HELLS: variants seen among roughly 807,000 people sequenced by gnomAD.
HELLS encodes lymphoid-specific helicase.
Under a neutral mutation model 120.0 loss-of-function variants are expected in HELLS, and 32 were observed. The ratio of observed to expected loss-of-function variants is 0.27; its 90% CI spans 0.20 to 0.36. HELLS has a LOEUF of 0.36. Among genes scored for constraint, HELLS ranks in the 10% least tolerant of loss-of-function variants. HELLS has a pLI of 1.00. For synonymous variants in HELLS, 341 were observed against 323.4 expected (o/e 1.05, Z -0.58); for missense variants, 650 against 993.4 (o/e 0.65, Z 4.65).
intron 21 of HELLS, among the ~76,000 whole-genome samples, chr10:94,599,228 TATGTGAGGC>T (rs1191092187): frequency 6.6e-6 from 1 of 152,226 alleles, no homozygotes; most frequent in Non-Finnish European, 1.5e-5. Context: ...AAAACAACAT[TATGTGAGGC>T]ATGTAAGGAC....
intron 3 of HELLS, among the ~76,000 whole-genome samples, chr10:94,556,399 G>C (rs951835052): frequency 3.9e-5 from 6 of 152,116 alleles, no homozygotes; most frequent in Non-Finnish European, 2.9e-5. Context: ...ATGTTTTTCT[G>C]TAGGTTATTT....
At chr10:94,578,183 G>C (rs1037113541) in intron 10 of HELLS, among the ~76,000 whole-genome samples, 4 of 151,724 alleles carry the variant, frequency 2.6e-5, no homozygotes, top group Admixed American at 2.6e-4. Flanking sequence ...GCAGTGAGCT[G>C]TGATTGCGCC....
intron 6 of HELLS, among the ~76,000 whole-genome samples, chr10:94,567,265 A>G (rs1190847194): frequency 6.6e-6 from 1 of 152,074 alleles, no homozygotes; most frequent in Non-Finnish European, 1.5e-5. Flanking sequence ...TTTTTGATCC[A>G]GTCTTTCTAG....
At chr10:94,594,060 C>T (rs536563339) in intron 18 of HELLS, among the ~76,000 whole-genome samples, 130 of 151,654 alleles carry the variant, frequency 8.6e-4, no homozygotes, top group African/African-American at 2.6e-3. Context: ...TGAGCCACCG[C>T]GCCCGGCCAT....
At chr10:94,557,120 A>G (rs1174654946) in intron 3 of HELLS, 3 of 353,636 alleles carry the variant, frequency 8.5e-6, no homozygotes, top group South Asian at 2.1e-5. Context: ...TGTTCTTCCC[A>G]TTGCACTTTT....
At chr10:94,561,453 G>A (rs1843550104) in intron 4 of HELLS, among the ~76,000 whole-genome samples, 1 of 151,712 alleles carries the variant, frequency 6.6e-6, no homozygotes, top group South Asian at 2.1e-4. Flanking sequence ...TTTCATAAGG[G>A]CGTCAACTAT....
At chr10:94,594,586 C>T in intron 18 of HELLS, 109 bp from the exon 19 acceptor site, 8 of 685,168 alleles carry the variant, frequency 1.2e-5, no homozygotes, top group South Asian at 3.0e-5. Context: ...ATTAAGACAC[C>T]ACTATTTAAA....
chr10:94,545,981 G>GT, intron 1 of HELLS, 29 bp downstream of exon 1: 1 of 1,553,650 alleles, frequency 6.4e-7, no homozygotes. Flanking sequence ...TTGGGCGCGG[G>GT]TGGCAGCCTG....
intron 4 of HELLS, among the ~76,000 whole-genome samples, chr10:94,558,540 G>A (rs1843375250): frequency 6.6e-6 from 1 of 152,128 alleles, no homozygotes; most frequent in Non-Finnish European, 1.5e-5. Flanking sequence ...CTAGTGAAAA[G>A]AGAAATAATT....
chr10:94,590,743 A>C lies in HELLS; in HGVS notation c.1734A>C (p.Glu578Asp). The C allele has an allele frequency of 1.3e-6, 2 of 1,581,968 alleles. No homozygotes were observed. The highest frequency in any genetic ancestry group is 1.7e-6 in the Non-Finnish European group (2 of 1,152,492). Residue 578 changes from glutamate to aspartate, a missense_variant, in exon 15 of 22, where the codon GAA becomes GAC. Physicochemically the swap from Glu to Asp is conservative, Grantham distance 45 (BLOSUM62 2). This residue lies in a region of HELLS where 191 missense variants were observed against 259.7 expected (regional missense o/e 0.74). Transcript: ENST00000348459. Reference sequence around the variant, plus strand: ...GTTGTAATCATCCATATTTGATTGAATATCCTATAGACCCTGTTACACAAG... The same window carrying C: ...GTTGTAATCATCCATATTTGATTGACTATCCTATAGACCCTGTTACACAAG... ...RKCCNHPYLI[E>D]YPIDPVTQEF... is the part of the protein sequence containing the mutation.
rs1270422391 is a variant in HELLS at position 94,584,025 on chromosome 10, A to G, written c.1326+966A>G. The G allele has an allele frequency of 8.4e-6, 7 of 837,440 alleles. No homozygotes were observed. The East Asian group carries it at 1.7e-4, about 20-fold the overall frequency. The allele number at this position is 837,440 out of a possible 1,614,324, so 51.9% of individuals were successfully genotyped here. Reference sequence around the variant, plus strand: ...AGAATGTATGTGTCAGAGTTTACAGATGAGGGCTTCTTTGAAGGCAAATTG... The same window carrying G: ...AGAATGTATGTGTCAGAGTTTACAGGTGAGGGCTTCTTTGAAGGCAAATTG... On this transcript the variant is annotated intron_variant, in intron 12 of 21. Transcript: ENST00000348459.
chr10:94,592,484 G>C lies in HELLS; in HGVS notation c.1941G>C (p.Gly647=). The change falls in exon 17 of 22, where the codon GGG becomes GGC. Residue 647 remains glycine, a synonymous_variant. Transcript: ENST00000348459. The stretch of plus-strand genomic sequence containing the variant: ...ATTTCAACTTCAGCAGGCTTGATGG[G>C]TCCATGTCTTACTCAGAGAGAGAAA... ...LRDFNFSRLD[G]SMSYSEREKN... 6.5e-7 allele frequency: 1 copy of C among 1,527,766 alleles called. No homozygotes were observed. Among genetic ancestry groups the C allele is most frequent in the Non-Finnish European group, 8.8e-7 (1 of 1,141,704 alleles). 94.6% of individuals were successfully genotyped at this position (1,527,766 alleles called of 1,614,324 possible). A position where few individuals can be genotyped will look rare whatever the true frequency, so the allele number is the denominator to read the frequency against.
At chr10:94,586,408 A>C (rs1845152428) in intron 12 of HELLS, among the ~76,000 whole-genome samples, 1 of 152,210 alleles carries the variant, frequency 6.6e-6, no homozygotes, top group Admixed American at 6.5e-5. Context: ...GGCGTGAGCC[A>C]CCGCGCCCGG....
At chr10:94,574,510 T>A in intron 8 of HELLS, 44 bp from the exon 9 acceptor site, 1 of 1,380,182 alleles carries the variant, frequency 7.2e-7, no homozygotes, top group Non-Finnish European at 1.0e-6. Context: ...ATCCTGTAGT[T>A]GTTTATATCC....
In HELLS at chr10:94,545,857, G is replaced by T; in HGVS notation, c.-65G>T. 3 of 1,516,718 alleles carry T rather than the reference G, an allele frequency of 2.0e-6. No homozygotes were observed. Among genetic ancestry groups the T allele is most frequent in the Non-Finnish European group, 2.7e-6 (3 of 1,115,014 alleles). The allele number at this position is 1,516,718 out of a possible 1,614,324, so 94.0% of individuals were successfully genotyped here. ...AGGCTGGGCCGGCAGCGGTTGTGAG[G>T]AGTTAGCTCGCGGCATTGCAGGCTC... On this transcript the variant is annotated 5_prime_UTR_variant, in exon 1 of 22. Transcript: ENST00000348459.
At chr10:94,576,937 T>C in intron 10 of HELLS, 132 bp downstream of exon 10, 1 of 735,064 alleles carries the variant, frequency 1.4e-6, no homozygotes, top group Non-Finnish European at 2.2e-6. Flanking sequence ...ATATTGTGCA[T>C]ATACCTGTAG....
intron 12 of HELLS, among the ~76,000 whole-genome samples, chr10:94,585,364 T>G (rs1319685946): frequency 6.7e-5 from 3 of 44,996 alleles, no homozygotes; most frequent in Admixed American, 1.8e-4. Context: ...TTTGTTTTGT[T>G]TTTTTTTTTT....
intron 6 of HELLS, chr10:94,570,149 C>T (rs1844069638): frequency 6.6e-6 from 1 of 151,544 alleles, no homozygotes; most frequent in South Asian, 2.1e-4. Flanking sequence ...TCAAGCAATC[C>T]TCCCACCTCA....
chr10:94,593,469 C>T (rs1564615516), intron 17 of HELLS, 30 bp from the exon 18 acceptor site: 1 of 1,293,146 alleles, frequency 7.7e-7, no homozygotes, highest in Admixed American at 1.7e-5. Context: ...TTATTTTAAT[C>T]TGTTGTATTT....
Sources: allele counts gnomAD v4.1 joint callset (sites outside exome capture counted in the v4.1 genomes callset), GRCh38; gene constraint gnomAD v4.1.1; regional missense constraint gnomAD v4.1.1; transcripts MANE v1.5; gene names NCBI Gene and HGNC (gene_info 2026-07-23, HGNC 2026-07-21).